The following CCDC30 variants were observed in gnomAD, a reference collection of about 807,000 sequenced individuals.
The protein encoded by CCDC30 is coiled-coil domain containing 30.
A neutral mutation model predicts 100.2 loss-of-function variants in CCDC30; 70 were observed. The observed-to-expected ratio is 0.70, with a 90% CI of 0.58 to 0.85. The LOEUF is 0.85. Among genes scored for constraint, CCDC30 ranks in the 40% least tolerant of loss-of-function variants. CCDC30 has a pLI of 0.00. For synonymous variants in CCDC30, 233 were observed against 269.5 expected (o/e 0.86, Z 1.33); for missense variants, 652 against 771.2 (o/e 0.85, Z 1.83).
intron 6 of CCDC30, among the ~76,000 whole-genome samples, chr1:42,552,510 T>G (rs1484725445): frequency 6.6e-6 from 1 of 152,200 alleles, no homozygotes; most frequent in Non-Finnish European, 1.5e-5. Context: ...CTTCTTAATG[T>G]GACAAATGAG....
chr1:42,541,767 T>C (rs767257738), intron 6 of CCDC30, among the ~76,000 whole-genome samples: 6 of 152,232 alleles, frequency 3.9e-5, no homozygotes, highest in Non-Finnish European at 8.8e-5. Context: ...TTCTAGTTTT[T>C]CTTCAGAATA....
chr1:42,520,676 T>C (rs1289550331), intron 6 of CCDC30, among the ~76,000 whole-genome samples: 2 of 130,362 alleles, frequency 1.5e-5, no homozygotes, highest in African/African-American at 5.9e-5. Context: ...AGTCTCACTC[T>C]GTCACCCAGG....
chr1:42,642,599 A>G, exon 13 of CCDC30: 2 of 1,591,530 alleles, frequency 1.3e-6, no homozygotes, highest in East Asian at 2.3e-5. Flanking sequence ...GATATCTTCC[A>G]TCCAGAGCAG....
chr1:42,633,395 C>G (rs1156568242), intron 11 of CCDC30, among the ~76,000 whole-genome samples: 1 of 152,100 alleles, frequency 6.6e-6, no homozygotes, highest in Non-Finnish European at 1.5e-5. Flanking sequence ...CATCCTCTCC[C>G]CTCCCTGAAT....
intron 11 of CCDC30, among the ~76,000 whole-genome samples, chr1:42,625,960 C>T (rs1184797928): frequency 4.6e-5 from 7 of 152,074 alleles, no homozygotes; most frequent in Admixed American, 2.0e-4. Flanking sequence ...GTTGAAGTCT[C>T]CCTCTATTAC....
upstream of CCDC30, among the ~76,000 whole-genome samples, chr1:42,458,396 G>A (rs556556254): frequency 1.3e-5 from 2 of 152,260 alleles, no homozygotes; most frequent in East Asian, 1.9e-4. Context: ...GGGTGATACA[G>A]GTAGGATTTT....
chr1:42,486,865 T>C (rs1644059371), intron 3 of CCDC30, among the ~76,000 whole-genome samples: 1 of 152,196 alleles, frequency 6.6e-6, no homozygotes, highest in Non-Finnish European at 1.5e-5. Context: ...ACCTGCTACA[T>C]GGATGAATCT....
At chr1:42,539,129 A>G in intron 6 of CCDC30, 44 bp from the exon 8 acceptor site, 1 of 1,408,434 alleles carries the variant, frequency 7.1e-7, no homozygotes, top group Non-Finnish European at 9.5e-7. Flanking sequence ...ATGGGGGAAA[A>G]TAGTCTTATT....
intron 3 of CCDC30, among the ~76,000 whole-genome samples, chr1:42,489,388 A>T (rs1644101010): frequency 6.6e-6 from 1 of 152,224 alleles, no homozygotes; most frequent in African/African-American, 2.4e-5. Context: ...TGCTATAGTT[A>T]GGAATGCAGT....
At chr1:42,642,061 T>TA (rs927626191) in intron 12 of CCDC30, among the ~76,000 whole-genome samples, 2 of 151,800 alleles carry the variant, frequency 1.3e-5, no homozygotes, top group Non-Finnish European at 2.9e-5. Context: ...CCATCTCTAC[T>TA]AAAAATACAA....
At chr1:42,539,663 A>G (rs1457090345) in intron 6 of CCDC30, among the ~76,000 whole-genome samples, 1 of 152,184 alleles carries the variant, frequency 6.6e-6, no homozygotes, top group African/African-American at 2.4e-5. Context: ...TCTATAATGT[A>G]AAAGATTTAT....
intron 10 of CCDC30, chr1:42,590,387 T>C (rs12137914): frequency 0.22 from 33,142 of 151,918 alleles, 4,567 homozygotes; most frequent in Non-Finnish European, 0.29. Context: ...TACCTGAAAA[T>C]GTGGAAGCAA....
intron 6 of CCDC30, among the ~76,000 whole-genome samples, chr1:42,528,371 G>A (rs995291955): frequency 7.2e-5 from 11 of 152,072 alleles, no homozygotes; most frequent in South Asian, 2.1e-4. Flanking sequence ...TCATATATCC[G>A]TGTGAAGGAG....
chr1:42,525,470 T>G (rs1221162068), intron 6 of CCDC30, among the ~76,000 whole-genome samples: 1 of 152,188 alleles, frequency 6.6e-6, no homozygotes, highest in Non-Finnish European at 1.5e-5. Context: ...TCTAGAAATT[T>G]CATTAGTTCT....
intron 6 of CCDC30, among the ~76,000 whole-genome samples, chr1:42,511,906 A>G (rs1644484249): frequency 6.6e-6 from 1 of 152,112 alleles, no homozygotes; most frequent in Non-Finnish European, 1.5e-5. Context: ...ACACAGAAAT[A>G]TAGAGTGTGA....
chr1:42,599,899 G>C lies in CCDC30; in HGVS notation c.1164+10416G>C, dbSNP rs186070115. Among the ~76,000 whole-genome samples the C allele has an allele frequency of 6.3e-3, 964 of 152,278 alleles. 9 individuals are homozygous for C. Among genetic ancestry groups the C allele is most frequent in the African/African-American group, 0.022 (933 of 41,552 alleles). ...TGATTCACCATTCTACATGGCTGGG[G>C]AGGCTTCAGGATACTTACAATTATG... On this transcript the variant is annotated intron_variant, in intron 10 of 16. Coordinates refer to ENST00000668663, the Ensembl canonical transcript of CCDC30.
At chr1:42,459,426 G>C, upstream of CCDC30, 1 of 633,676 alleles carries the variant, frequency 1.6e-6, no homozygotes. Flanking sequence ...CTTCCAAAGT[G>C]CTGGGATTAC....
At chr1:42,628,493 G>A (rs374206478) in intron 11 of CCDC30, among the ~76,000 whole-genome samples, 1 of 152,170 alleles carries the variant, frequency 6.6e-6, no homozygotes, top group African/African-American at 2.4e-5. Flanking sequence ...AGAATGATAT[G>A]GTTTGGCTTT....
intron 12 of CCDC30, among the ~76,000 whole-genome samples, chr1:42,641,418 G>T (rs951478150): frequency 6.6e-6 from 1 of 152,008 alleles, no homozygotes; most frequent in Admixed American, 6.6e-5. Flanking sequence ...CAGCTGTGGT[G>T]GTTCATGCCT....
Sources: gnomAD v4.1 joint callset for allele counts (sites outside exome capture counted in the v4.1 genomes callset) on GRCh38, gnomAD v4.1.1 for gene constraint, MANE v1.5 for transcripts, NCBI Gene and HGNC (gene_info 2026-07-23, HGNC 2026-07-21) for gene names.